The following CLTCL1 variants were observed in gnomAD, a reference collection of about 807,000 sequenced individuals.
CLTCL1 encodes clathrin heavy chain 2.
In CLTCL1, 159 loss-of-function variants were observed where a neutral mutation model predicts 190.0. The ratio of observed to expected loss-of-function variants is 0.84; its 90% CI spans 0.74 to 0.95. CLTCL1 has a LOEUF of 0.95. Among genes scored for constraint, CLTCL1 ranks in the 40% least tolerant of loss-of-function variants. The pLI is 0.00. For synonymous variants in CLTCL1, 752 were observed against 769.6 expected (o/e 0.98, Z 0.38); for missense variants, 1,878 against 2,033.4 (o/e 0.92, Z 1.47).
intron 11 of CLTCL1, among the ~76,000 whole-genome samples, chr22:19,228,263 C>T (rs1555957127): frequency 6.6e-6 from 1 of 152,210 alleles, no homozygotes; most frequent in Admixed American, 6.5e-5. Flanking sequence ...AACATTTTCT[C>T]CTCATAGCAA....
chr22:19,241,989 CT>C (rs2086269484), intron 4 of CLTCL1, among the ~76,000 whole-genome samples: 1 of 147,926 alleles, frequency 6.8e-6, no homozygotes, highest in Non-Finnish European at 1.5e-5. Context: ...GTCGCCCAGG[CT>C]GGAGTGCAGT....
At chr22:19,221,673 T>C in intron 16 of CLTCL1, 62 bp from the exon 17 acceptor site, 2 of 1,379,064 alleles carry the variant, frequency 1.5e-6, no homozygotes, top group South Asian at 1.3e-5. Flanking sequence ...TGAGGGCAAC[T>C]CCAGGGCTCT....
chr22:19,282,409 G>A (rs567533478), intron 1 of CLTCL1, among the ~76,000 whole-genome samples: 80 of 151,304 alleles, frequency 5.3e-4, no homozygotes, highest in Non-Finnish European at 1.0e-3. Flanking sequence ...AGGCCAAGAC[G>A]GGTGGATCAC....
In CLTCL1 at chr22:19,201,476, G is replaced by A. The variant is rs782352241; in HGVS notation, c.3618C>T (p.Tyr1206=). The stretch of plus-strand genomic sequence containing the variant: ...TGGCAGCCTCGTACATTCCCTCCTC[G>A]TAACAGCGGTCTCCAACCTACGGAT... ...AHIQQVGDRC[Y]EEGMYEAAKL... Residue 1206 remains tyrosine (Y), a synonymous_variant, in exon 23 of 33, where the codon TAC becomes TAT. Transcript: ENST00000427926. The A allele has an allele frequency of 4.3e-5, 69 of 1,613,216 alleles. No individual in the cohort carries two copies. Among genetic ancestry groups the A allele is most frequent in the Non-Finnish European group, 5.0e-5 (59 of 1,179,448 alleles).
At chr22:19,181,951 T>C (rs1343407260) in intron 30 of CLTCL1, 1 of 152,194 alleles carries the variant, frequency 6.6e-6, no homozygotes, top group Non-Finnish European at 1.5e-5. Context: ...ACCAACGTGA[T>C]AGTGGCTGCT....
intron 19 of CLTCL1, among the ~76,000 whole-genome samples, 157 bp downstream of exon 19, chr22:19,215,954 T>C (rs991421684): frequency 1.3e-5 from 2 of 151,928 alleles, no homozygotes; most frequent in African/African-American, 2.4e-5. Flanking sequence ...AAGGGCTAGA[T>C]TGAGGTAGAG....
At chr22:19,269,792 G>T (rs114839467) in intron 2 of CLTCL1, among the ~76,000 whole-genome samples, 141 of 152,250 alleles carry the variant, frequency 9.3e-4, no homozygotes, top group African/African-American at 3.3e-3. Flanking sequence ...GGAGTGGGGG[G>T]CGAAGAGAGA....
intron 3 of CLTCL1, among the ~76,000 whole-genome samples, chr22:19,251,617 C>T (rs1387631854): frequency 3.9e-5 from 6 of 152,212 alleles, no homozygotes; most frequent in Admixed American, 6.5e-5. Context: ...CCACCGTGCC[C>T]GGCTAATTTT....
chr22:19,226,154 G>T, intron 12 of CLTCL1, 65 bp downstream of exon 12: 1 of 1,539,256 alleles, frequency 6.5e-7, no homozygotes, highest in East Asian at 2.3e-5. Flanking sequence ...GTGAACACTG[G>T]GGAGCATGTG....
chr22:19,191,429 T>C lies in CLTCL1; in HGVS notation c.4198A>G (p.Asn1400Asp). ...QFKDIITKVA[N>D]VELCYRALQF... The stretch of plus-strand genomic sequence containing the variant: ...AGGGCTCTGTAACAGAGCTCGACGT[T>C]GGCAACCTGTGGTGAGCAAAGCTGA... The change falls in exon 27 of 33, where the codon AAC (asparagine) becomes GAC (aspartate). Residue 1400 changes from asparagine (N) to aspartate (D), a missense_variant. By Grantham distance (23) the Asn-to-Asp change is conservative. Transcript: ENST00000427926. 6.2e-7 allele frequency: 1 copy of C among 1,613,376 alleles called. No homozygotes were observed. Among genetic ancestry groups the C allele is most frequent in the Non-Finnish European group, 8.5e-7 (1 of 1,179,856 alleles).
rs3747055 is a variant in CLTCL1, at chr22:19,235,436, T to C, written c.969+260A>G. 2.2e-3 allele frequency among the ~76,000 whole-genome samples: 342 copies of C among 152,304 alleles called. 11 individuals are homozygous for C. The East Asian group carries it at 0.058, about 26-fold the overall frequency. On this transcript the variant is annotated intron_variant, in intron 6 of 32. Coordinates refer to ENST00000427926, the MANE Select transcript of CLTCL1 (RefSeq NM_007098.4). ...CAACCCTCCCCAGTTAGGGTGTGCA[T>C]GGTATAAAGATGATGTGCATCAGAA...
intron 18 of CLTCL1, among the ~76,000 whole-genome samples, chr22:19,217,231 T>C (rs2085412450): frequency 6.6e-6 from 1 of 152,018 alleles, no homozygotes; most frequent in South Asian, 2.1e-4. Context: ...ACCAAAAGGG[T>C]ATGCCTGAGG....
At chr22:19,229,253 G>T (rs2085845932) in intron 11 of CLTCL1, among the ~76,000 whole-genome samples, 1 of 152,172 alleles carries the variant, frequency 6.6e-6, no homozygotes, top group African/African-American at 2.4e-5. Flanking sequence ...CTATTACTCA[G>T]TTTCAAAAAT....
At chr22:19,258,469 T>C (rs1354734409) in intron 2 of CLTCL1, 1 of 442,196 alleles carries the variant, frequency 2.3e-6, no homozygotes, top group East Asian at 5.5e-5. Context: ...AATCTGAAGA[T>C]CAGCTTGGAG....
In CLTCL1 at chr22:19,198,981, G is replaced by A. The variant is rs181996603; in HGVS notation, c.3873+753C>T. Among the ~76,000 whole-genome samples the A allele has an allele frequency of 6.6e-6, 1 of 152,280 alleles. No individual in the cohort carries two copies. The highest frequency in any genetic ancestry group is 1.9e-4 in the East Asian group (1 of 5,186). On this transcript the variant is annotated intron_variant, in intron 24 of 32. Coordinates refer to ENST00000427926, the MANE Select transcript of CLTCL1 (RefSeq NM_007098.4). This position sits in a 1 kb window ranked among gnomAD's most constrained non-coding sequence, Gnocchi z 4.1. Reference sequence around the variant, plus strand: ...CAGGCGCCTCTCTGGGGGTGGGAAAGCATTTCTCATTGAAAAGCCATCACA... The same window carrying A: ...CAGGCGCCTCTCTGGGGGTGGGAAAACATTTCTCATTGAAAAGCCATCACA...
chr22:19,236,716 G>A (rs2086093086), intron 5 of CLTCL1, among the ~76,000 whole-genome samples: 1 of 152,154 alleles, frequency 6.6e-6, no homozygotes, highest in Non-Finnish European at 1.5e-5. Flanking sequence ...GGAAGCCAAG[G>A]CAGGAGGATC....
In CLTCL1 at chr22:19,291,718, G is replaced by T; in HGVS notation, c.-77C>A. The T allele has an allele frequency of 7.8e-7, 1 of 1,282,126 alleles. No individual in the cohort carries two copies. Among genetic ancestry groups the T allele is most frequent in the East Asian group, 3.2e-5 (1 of 30,926 alleles). 79.4% of individuals were successfully genotyped at this position (1,282,126 alleles called of 1,614,324 possible). On this transcript the variant is annotated 5_prime_UTR_variant, in exon 1 of 33. Transcript: ENST00000427926. ...GACCCCTCGCGCGGGCTGACCGGTG[G>T]CGACGGCGCAGGCGCAGTGCCCCGA...
chr22:19,219,157 T>TTTTATTTATTTA (rs201050834), intron 18 of CLTCL1, among the ~76,000 whole-genome samples: 22 of 148,958 alleles, frequency 1.5e-4, no homozygotes, highest in African/African-American at 4.3e-4. Context: ...GACTAAGATG[T>TTTTATTTATTTA]TTTATTTATT....
chr22:19,283,986 T>C (rs1245394373), intron 1 of CLTCL1, among the ~76,000 whole-genome samples: 1 of 142,870 alleles, frequency 7.0e-6, no homozygotes, highest in African/African-American at 2.6e-5. Flanking sequence ...AGACAGACCC[T>C]GTCTCAAAAA....
Sources: gnomAD v4.1 joint callset for allele counts (sites outside exome capture counted in the v4.1 genomes callset) on GRCh38, gnomAD v4.1.1 for gene constraint, Gnocchi (gnomAD v3.1) non-coding constraint, MANE v1.5 for transcripts, NCBI Gene and HGNC (gene_info 2026-07-23, HGNC 2026-07-21) for gene names.